SDK1: variants seen among roughly 807,000 people sequenced by gnomAD.
SDK1 encodes the protein protein sidekick-1.
In SDK1, 157 loss-of-function variants were observed where a neutral mutation model predicts 245.5. That is an observed-to-expected ratio of 0.64 (90% CI 0.56 to 0.73). The LOEUF is 0.73. Among genes scored for constraint, SDK1 ranks in the 30% least tolerant of loss-of-function variants. SDK1 has a pLI of 0.00. For synonymous variants in SDK1, 1,647 were observed against 1,278.5 expected, an observed-to-expected ratio of 1.29 and a Z score of -6.15; for missense variants, 3,583 against 3,002.3, an observed-to-expected ratio of 1.19 and a Z score of -4.52.
chr7:3,539,184 G>T (rs1171402717), intron 1 of SDK1, among the ~76,000 whole-genome samples: 1 of 152,178 alleles, frequency 6.6e-6, no homozygotes, highest in African/African-American at 2.4e-5. Context: ...GGGGCTGTGG[G>T]GAGATGGAGG....
At chr7:3,941,053 C>T (rs1053719904) in intron 5 of SDK1, among the ~76,000 whole-genome samples, 7 of 152,018 alleles carry the variant, frequency 4.6e-5, no homozygotes, top group Non-Finnish European at 1.5e-5. Context: ...AGCACTGCCA[C>T]TCCCAGACCC....
chr7:3,909,875 G>A (rs1779101991), intron 5 of SDK1, among the ~76,000 whole-genome samples: 1 of 152,180 alleles, frequency 6.6e-6, no homozygotes, highest in Admixed American at 6.5e-5. Flanking sequence ...GGATGGAAAT[G>A]CAGCTTTGAA....
intron 4 of SDK1, among the ~76,000 whole-genome samples, chr7:3,777,222 C>G (rs1780593665): frequency 6.6e-6 from 1 of 152,172 alleles, no homozygotes; most frequent in Non-Finnish European, 1.5e-5. Context: ...CAGACCTGTG[C>G]AGAACGCGAG....
Position 4,127,508 on chromosome 7 carries a change from C to T in SDK1, c.3939+12C>T. On this transcript the variant is annotated intron_variant, in intron 26 of 44. Coordinates refer to ENST00000404826, the MANE Select transcript of SDK1 (RefSeq NM_152744.4). ...TACTGGGCTACAAGGTGTGTGATCA[C>T]AGGATGACCTCCCTTTGCTTAAAGA... 6.3e-7 allele frequency: 1 copy of T among 1,581,140 alleles called. No homozygotes were observed. Among genetic ancestry groups the T allele is most frequent in the Non-Finnish European group, 8.7e-7 (1 of 1,149,966 alleles).
intron 1 of SDK1, among the ~76,000 whole-genome samples, chr7:3,434,996 C>A (rs1433675508): frequency 2.6e-5 from 4 of 152,160 alleles, no homozygotes; most frequent in Non-Finnish European, 5.9e-5. Context: ...CTTTTCCTAA[C>A]TGTCAAATCT....
intron 14 of SDK1, among the ~76,000 whole-genome samples, chr7:4,010,764 A>G (rs1385440202): frequency 6.6e-6 from 1 of 152,180 alleles, no homozygotes; most frequent in Non-Finnish European, 1.5e-5. Flanking sequence ...GCACCGGGGA[A>G]GTTGCCTTTC....
At chr7:3,692,657 A>G (rs912812390) in intron 4 of SDK1, among the ~76,000 whole-genome samples, 1 of 152,182 alleles carries the variant, frequency 6.6e-6, no homozygotes, top group Non-Finnish European at 1.5e-5. Flanking sequence ...ATAATCTAGA[A>G]TTGGAATTAC....
chr7:4,131,367 C>CTGA (rs1784804839), intron 27 of SDK1, among the ~76,000 whole-genome samples: 3 of 152,210 alleles, frequency 2.0e-5, no homozygotes, highest in Non-Finnish European at 4.4e-5. Context: ...AGTCTGAAGT[C>CTGA]AGCGTTTGCG....
intron 1 of SDK1, among the ~76,000 whole-genome samples, chr7:3,562,085 G>A (rs1025182243): frequency 5.3e-5 from 8 of 152,164 alleles, no homozygotes; most frequent in Non-Finnish European, 1.2e-4. Flanking sequence ...AGAATGCCAC[G>A]CCTTGTCTCT....
At chr7:3,565,848 A>G (rs541668944) in intron 1 of SDK1, among the ~76,000 whole-genome samples, 1 of 152,164 alleles carries the variant, frequency 6.6e-6, no homozygotes, top group East Asian at 1.9e-4. Context: ...TACAAATGCA[A>G]TTTTTTCCGA....
At chr7:3,668,830 G>C (rs1482539752) in intron 4 of SDK1, among the ~76,000 whole-genome samples, 1 of 152,136 alleles carries the variant, frequency 6.6e-6, no homozygotes, top group Non-Finnish European at 1.5e-5. Flanking sequence ...CTTTTATGAT[G>C]AGCCTTGGGA....
At chr7:3,567,014 G>C (rs1445042140) in intron 1 of SDK1, among the ~76,000 whole-genome samples, 1 of 152,146 alleles carries the variant, frequency 6.6e-6, no homozygotes, top group East Asian at 1.9e-4. Flanking sequence ...TGCTGAATTA[G>C]GCCCAGAAAT....
intron 14 of SDK1, among the ~76,000 whole-genome samples, chr7:4,000,621 C>T (rs1785004796): frequency 6.6e-6 from 1 of 152,236 alleles, no homozygotes; most frequent in African/African-American, 2.4e-5. Flanking sequence ...ACAATCTGTT[C>T]AACATCTCCA....
intron 44 of SDK1, among the ~76,000 whole-genome samples, chr7:4,247,258 C>T (rs887522985): frequency 1.3e-5 from 2 of 152,148 alleles, no homozygotes; most frequent in African/African-American, 2.4e-5. Flanking sequence ...GATGAACTCC[C>T]GGCGGGAAGG....
At chr7:3,583,309 G>C (rs956466383) in intron 1 of SDK1, among the ~76,000 whole-genome samples, 4 of 152,172 alleles carry the variant, frequency 2.6e-5, no homozygotes, top group African/African-American at 9.7e-5. Flanking sequence ...CAAATTTTCA[G>C]TGCATTATGT....
chr7:3,585,039 G>A (rs73296291), intron 1 of SDK1, among the ~76,000 whole-genome samples: 1,710 of 152,134 alleles, frequency 0.011, 42 homozygotes, highest in African/African-American at 0.039. Context: ...CACGTTTTGA[G>A]TGATCCACTG....
chr7:3,922,162 C>A (rs1583568322), intron 5 of SDK1, among the ~76,000 whole-genome samples: 1 of 152,296 alleles, frequency 6.6e-6, no homozygotes, highest in Middle Eastern at 3.4e-3. Context: ...ACGGTAGTCT[C>A]TGCCTTTTAG....
intron 44 of SDK1, among the ~76,000 whole-genome samples, chr7:4,262,016 TCC>T (rs1157687601): frequency 3.8e-4 from 46 of 120,270 alleles, no homozygotes; most frequent in Non-Finnish European, 7.6e-4. Flanking sequence ...CTCTGCTTTC[TCC>T]TTTTTTTTTT....
At chr7:4,092,647 G>T (rs912626290) in intron 22 of SDK1, among the ~76,000 whole-genome samples, 1 of 152,192 alleles carries the variant, frequency 6.6e-6, no homozygotes, top group Non-Finnish European at 1.5e-5. Context: ...TTGGGGAGGA[G>T]AAAGACTCCG....
Sources: allele counts gnomAD v4.1 joint callset (sites outside exome capture counted in the v4.1 genomes callset), GRCh38; gene constraint gnomAD v4.1.1; transcripts MANE v1.5; gene names NCBI Gene and HGNC (gene_info 2026-07-23, HGNC 2026-07-21).